Variants in C3orf70 observed in about 807,000 individuals in gnomAD.
C3orf70 encodes the protein chromosome 3 open reading frame 70, also known as UPF0524 protein C3orf70.
A neutral mutation model predicts 20.7 loss-of-function variants in C3orf70; 15 were observed. The observed-to-expected ratio is 0.72, with a 90% CI of 0.48 to 1.11. The LOEUF is 1.11. C3orf70 is among the 50% of genes most tolerant of loss of function. The pLI is 0.00. For synonymous variants in C3orf70, 161 were observed against 125.7 expected, an observed-to-expected ratio of 1.28 and a Z score of -1.88; for missense variants, 332 against 317.6, an observed-to-expected ratio of 1.05 and a Z score of -0.34.
intron 1 of C3orf70, among the ~76,000 whole-genome samples, chr3:185,093,248 A>G (rs1244567611): frequency 6.6e-6 from 1 of 152,154 alleles, no homozygotes; most frequent in Admixed American, 6.5e-5. Flanking sequence ...TACAAGCTAC[A>G]CTGCTCCAGG....
At chr3:185,108,170 TTAAC>T (rs999033737) in intron 1 of C3orf70, among the ~76,000 whole-genome samples, 19 of 152,358 alleles carry the variant, frequency 1.2e-4, no homozygotes, top group African/African-American at 4.6e-4. Context: ...GTTTTTGAAA[TTAAC>T]TAATTAGATT....
intron 1 of C3orf70, among the ~76,000 whole-genome samples, chr3:185,084,840 GC>G (rs1173793849): frequency 1.3e-4 from 20 of 152,176 alleles, no homozygotes; most frequent in Admixed American, 1.3e-4. Context: ...AGGGATGGGG[GC>G]TCCTAAAAAT....
Position 185,152,589 on chromosome 3 carries a change from G to C in C3orf70, c.196+39C>G, listed in dbSNP as rs375810029. The C allele has an allele frequency of 1.8e-4, 265 of 1,511,818 alleles. No individual in the cohort carries two copies. In the African/African-American group the frequency reaches 3.3e-3, roughly 19 times the overall value. 93.7% of individuals were successfully genotyped at this position (1,511,818 alleles called of 1,614,324 possible). A position where few individuals can be genotyped will look rare whatever the true frequency, so the allele number is the denominator to read the frequency against. On this transcript the variant is annotated intron_variant, in intron 1 of 1. Coordinates refer to ENST00000335012, the MANE Select transcript of C3orf70 (RefSeq NM_001025266.3). ...CCGGACGGCCCGGCGGGCGTCCCCC[G>C]GACCGCGGCGGAAGGCGGGAAGACG...
rs777531618 is a variant in C3orf70, at chr3:185,152,805, G to C, written c.19C>G (p.Pro7Ala). The change falls in exon 1 of 2, where the codon CCG (proline) becomes GCG (alanine). Residue 7 changes from proline (P) to alanine (A), a missense_variant. Pro to Ala is a conservative substitution (Grantham distance 27, BLOSUM62 -1). Coordinates refer to ENST00000335012, the MANE Select transcript of C3orf70 (RefSeq NM_001025266.3). MSAAASPASERGWKSEK... is the reference protein window; with the variant it reads MSAAASAASERGWKSEK... ...CTCTTCCAACCCCGCTCCGACGCCG[G>C]CGAGGCCGCCGCACTCATTTCCTCT... 1 of 1,564,226 alleles carries C rather than the reference G, an allele frequency of 6.4e-7. No homozygotes were observed. Among genetic ancestry groups the C allele is most frequent in the South Asian group, 1.2e-5 (1 of 86,598 alleles).
chr3:185,136,279 C>G (rs967369101), intron 1 of C3orf70, among the ~76,000 whole-genome samples: 4 of 152,152 alleles, frequency 2.6e-5, no homozygotes, highest in African/African-American at 9.7e-5. Context: ...AATGTGTATG[C>G]ATCAGACAAA....
At chr3:185,118,591 C>T (rs1021371184) in intron 1 of C3orf70, among the ~76,000 whole-genome samples, 1 of 151,982 alleles carries the variant, frequency 6.6e-6, no homozygotes, top group Non-Finnish European at 1.5e-5. Flanking sequence ...ATAGTGAAAA[C>T]ATTATAAAGA....
At chr3:185,147,117 T>G (rs1179492954) in intron 1 of C3orf70, among the ~76,000 whole-genome samples, 4 of 152,252 alleles carry the variant, frequency 2.6e-5, no homozygotes, top group Admixed American at 6.5e-5. Flanking sequence ...TACCTTTTGC[T>G]GTGACAGTCT....
rs1715487581 is a variant in C3orf70, at chr3:185,087,817, A to G, written c.197-4254T>C. The stretch of plus-strand genomic sequence containing the variant: ...AATGGTTAAGATGGTAATTATGTAT[A>G]TTTTACCAAAATTTACCAAGAAAAT... On this transcript the variant is annotated intron_variant, in intron 1 of 1. Coordinates refer to ENST00000335012, the MANE Select transcript of C3orf70 (RefSeq NM_001025266.3). Among the ~76,000 whole-genome samples, 5 of 152,128 alleles carry G rather than the reference A, an allele frequency of 3.3e-5. No homozygotes were observed. The South Asian group carries it at 1.0e-3, about 32-fold the overall frequency.
At chr3:185,090,543 T>C (rs1715544465) in intron 1 of C3orf70, among the ~76,000 whole-genome samples, 1 of 152,174 alleles carries the variant, frequency 6.6e-6, no homozygotes, top group Non-Finnish European at 1.5e-5. Context: ...AAGGTAAATC[T>C]ACTGAAAAAA....
chr3:185,091,471 T>A (rs780520958), intron 1 of C3orf70, among the ~76,000 whole-genome samples: 6 of 151,998 alleles, frequency 3.9e-5, no homozygotes, highest in Non-Finnish European at 7.4e-5. Context: ...TCTAAGAGAA[T>A]GTGGTCTGGT....
At chr3:185,146,529 C>T (rs1050280267) in intron 1 of C3orf70, among the ~76,000 whole-genome samples, 5 of 152,034 alleles carry the variant, frequency 3.3e-5, no homozygotes, top group Non-Finnish European at 7.4e-5. Context: ...CTCAGGTGAT[C>T]CACCCGCCTC....
At chr3:185,103,991 C>T (rs189368233) in intron 1 of C3orf70, among the ~76,000 whole-genome samples, 24 of 152,286 alleles carry the variant, frequency 1.6e-4, no homozygotes, top group African/African-American at 4.6e-4. Context: ...TAGAGACATA[C>T]GCACAACTAC....
At position 185,097,739 on chromosome 3, in the gene C3orf70, G is replaced by A. The variant is rs575101609; in HGVS notation, c.197-14176C>T. On this transcript the variant is annotated intron_variant, in intron 1 of 1. Coordinates refer to ENST00000335012, the MANE Select transcript of C3orf70 (RefSeq NM_001025266.3). ...GGGAGGAAGCACCCCTGCCTATAAC[G>A]CATGTGGAACACAGAAGGCAGAAAC... 8.5e-5 allele frequency among the ~76,000 whole-genome samples: 13 copies of A among 152,284 alleles called. 1 individual carries two copies. In the South Asian group the frequency reaches 1.9e-3, roughly 22 times the overall value.
At chr3:185,105,685 G>C (rs540355665) in intron 1 of C3orf70, among the ~76,000 whole-genome samples, 2 of 152,196 alleles carry the variant, frequency 1.3e-5, no homozygotes, top group African/African-American at 4.8e-5. Flanking sequence ...CGCTGGGTTA[G>C]GGTCTCCCCA....
intron 1 of C3orf70, among the ~76,000 whole-genome samples, chr3:185,122,047 C>T (rs1156834635): frequency 1.4e-5 from 2 of 147,148 alleles, no homozygotes; most frequent in Non-Finnish European, 3.0e-5. Context: ...TGCAGTGAAC[C>T]GAGATCGTGC....
In C3orf70 at chr3:185,128,260, G is replaced by A. The variant is rs572539039; in HGVS notation, c.196+24368C>T. 3.9e-5 allele frequency among the ~76,000 whole-genome samples: 6 copies of A among 152,274 alleles called. No individual in the cohort carries two copies. The South Asian group carries it at 1.2e-3, about 32-fold the overall frequency. On this transcript the variant is annotated intron_variant, in intron 1 of 1. Transcript: ENST00000335012. Reference sequence around the variant, plus strand: ...AAAGTGAAAATCGGCCAGGTGTGGTGGCTCATGCCTGTAATCCCAGCACTT... The same window carrying A: ...AAAGTGAAAATCGGCCAGGTGTGGTAGCTCATGCCTGTAATCCCAGCACTT...
At chr3:185,086,530 T>C (rs73885668) in intron 1 of C3orf70, among the ~76,000 whole-genome samples, 3,693 of 152,332 alleles carry the variant, frequency 0.024, 125 homozygotes, top group African/African-American at 0.083. Context: ...CAAACCAGGA[T>C]GAGCGTCCTC....
chr3:185,083,502 G>A lies in C3orf70; in HGVS notation c.258C>T (p.Ala86=), dbSNP rs1486984709. 1 of 1,613,518 alleles carries A rather than the reference G, an allele frequency of 6.2e-7. No individual in the cohort carries two copies. Among genetic ancestry groups the A allele is most frequent in the Non-Finnish European group, 8.5e-7 (1 of 1,179,864 alleles). ...VEQLPSTEIP[A]RPREPTNTIQ... is the part of the protein sequence containing the mutation. ...TGGTGTTTGTGGGTTCCCGAGGCCTGGCAGGAATCTCAGTGCTTGGAAGCT... is the reference window on the plus strand; with the variant it reads ...TGGTGTTTGTGGGTTCCCGAGGCCTAGCAGGAATCTCAGTGCTTGGAAGCT... The change falls in exon 2 of 2, where the codon GCC becomes GCT. Residue 86 remains alanine, a synonymous_variant. Coordinates refer to ENST00000335012, the MANE Select transcript of C3orf70 (RefSeq NM_001025266.3).
At chr3:185,101,910 T>G (rs1479738257) in intron 1 of C3orf70, among the ~76,000 whole-genome samples, 1 of 152,178 alleles carries the variant, frequency 6.6e-6, no homozygotes, top group Non-Finnish European at 1.5e-5. Flanking sequence ...AACTAGGTAT[T>G]GAAGGAAAAT....
Sources: allele counts gnomAD v4.1 joint callset (sites outside exome capture counted in the v4.1 genomes callset), GRCh38; gene constraint gnomAD v4.1.1; transcripts MANE v1.5; gene names NCBI Gene and HGNC (gene_info 2026-07-23, HGNC 2026-07-21).